The following GSE1 variants were observed in gnomAD, a reference collection of about 807,000 sequenced individuals.
GSE1 encodes the protein Gse1 coiled-coil protein.
Under a neutral mutation model 112.6 loss-of-function variants are expected in GSE1, and 32 were observed. The ratio of observed to expected loss-of-function variants is 0.28; its 90% CI spans 0.21 to 0.38. GSE1 has a LOEUF of 0.38. Among genes scored for constraint, GSE1 ranks in the 10% least tolerant of loss-of-function variants. The pLI is 1.00. For missense variants in GSE1, 2,348 were observed against 1,699.2 expected, an observed-to-expected ratio of 1.38 and a Z score of -6.71; for synonymous variants, 1,115 against 735.6, an observed-to-expected ratio of 1.52 and a Z score of -8.35.
At chr16:85,590,628 C>A (rs930179146) in intron 1 of GSE1, among the ~76,000 whole-genome samples, 1 of 151,728 alleles carries the variant, frequency 6.6e-6, no homozygotes, top group Non-Finnish European at 1.5e-5. Context: ...TGTGTGAATG[C>A]GTGGGCCTGT....
At chr16:85,672,152 C>A (rs779998959) in intron 15 of GSE1, 9 of 473,946 alleles carry the variant, frequency 1.9e-5, no homozygotes, top group South Asian at 1.3e-4. Context: ...GTATACGACA[C>A]CATGCCTGGC....
At chr16:85,520,472 C>T (rs1049625204) in intron 2 of GSE1, among the ~76,000 whole-genome samples, 3 of 151,496 alleles carry the variant, frequency 2.0e-5, no homozygotes, top group Non-Finnish European at 4.4e-5. Context: ...ACTCTTGTCA[C>T]CCAGGCTGGT....
At chr16:85,520,257 C>T (rs75479452) in intron 2 of GSE1, among the ~76,000 whole-genome samples, 4,575 of 152,046 alleles carry the variant, frequency 0.03, 108 homozygotes, top group South Asian at 0.1. Context: ...TCGTGAGGGC[C>T]GCGCTCTCAT....
intron 1 of GSE1, among the ~76,000 whole-genome samples, chr16:85,569,190 AC>A (rs1259713980): frequency 6.6e-6 from 1 of 152,042 alleles, no homozygotes; most frequent in South Asian, 2.1e-4. Flanking sequence ...CCTGTCCTCC[AC>A]ACCTTTGGCC....
intron 1 of GSE1, among the ~76,000 whole-genome samples, chr16:85,313,918 C>CTG (rs10676246): frequency 0.42 from 62,814 of 149,060 alleles, 13,513 homozygotes; most frequent in Admixed American, 0.53. Flanking sequence ...GTCTGAGCCT[C>CTG]TGTGTGTGTG....
chr16:85,171,801 G>A (rs1597709191), exon 1 of GSE1: 2 of 985,426 alleles, frequency 2.0e-6, no homozygotes, highest in Non-Finnish European at 2.4e-6. Context: ...TGGCAGCAGC[G>A]ACGAAGGTAA....
At chr16:85,394,159 C>T (rs1416020915) in intron 2 of GSE1, among the ~76,000 whole-genome samples, 5 of 150,352 alleles carry the variant, frequency 3.3e-5, no homozygotes, top group Non-Finnish European at 4.4e-5. Flanking sequence ...TGACTGCTGA[C>T]GAAAAACACA....
chr16:85,603,533 C>G (rs937179202), intron 1 of GSE1, among the ~76,000 whole-genome samples: 5 of 152,196 alleles, frequency 3.3e-5, no homozygotes, highest in African/African-American at 7.2e-5. Context: ...CAGGGTCTCA[C>G]TGTGTCGCCC....
At chr16:85,620,073 A>C (rs1443021555) in intron 1 of GSE1, among the ~76,000 whole-genome samples, 1 of 152,116 alleles carries the variant, frequency 6.6e-6, no homozygotes, top group African/African-American at 2.4e-5. Context: ...AGGCAGGTGG[A>C]TTGCTTGAGC....
At chr16:85,474,402 T>C (rs1348151476) in intron 2 of GSE1, among the ~76,000 whole-genome samples, 1 of 152,074 alleles carries the variant, frequency 6.6e-6, no homozygotes, top group Non-Finnish European at 1.5e-5. Context: ...GGAGAACAGC[T>C]GGAGGTGCAC....
chr16:85,662,967 C>T lies in GSE1; in HGVS notation c.2261-14C>T. On this transcript the variant is annotated splice_polypyrimidine_tract_variant and intron_variant, in intron 9 of 15. Coordinates refer to ENST00000253458, the MANE Select transcript of GSE1 (RefSeq NM_014615.5). Reference sequence around the variant, plus strand: ...GGCTCTTTGTCTGGCTGAATACAACCATTTCTCCATCAGGGTACTACTACG... The same window carrying T: ...GGCTCTTTGTCTGGCTGAATACAACTATTTCTCCATCAGGGTACTACTACG... The T allele has an allele frequency of 6.5e-7, 1 of 1,531,688 alleles. No individual in the cohort carries two copies. The allele number at this position is 1,531,688 out of a possible 1,614,324, so 94.9% of individuals were successfully genotyped here.
intron 1 of GSE1, among the ~76,000 whole-genome samples, chr16:85,619,101 C>T (rs142344693): frequency 6.6e-6 from 1 of 152,188 alleles, no homozygotes; most frequent in Non-Finnish European, 1.5e-5. Context: ...CACAGCAGAC[C>T]CTGCCGGCCC....
At chr16:85,604,361 T>C (rs1406151304) in intron 1 of GSE1, among the ~76,000 whole-genome samples, 1 of 152,202 alleles carries the variant, frequency 6.6e-6, no homozygotes, top group African/African-American at 2.4e-5. Flanking sequence ...GGCTGAGTAA[T>C]AGTCCACTCA....
At chr16:85,383,305 T>A (rs555643198) in intron 2 of GSE1, among the ~76,000 whole-genome samples, 1 of 150,280 alleles carries the variant, frequency 6.7e-6, no homozygotes, top group Non-Finnish European at 1.5e-5. Context: ...TGCACAAACA[T>A]GTACATACAC....
chr16:85,266,546 T>C (rs562977097), intron 1 of GSE1, among the ~76,000 whole-genome samples: 2 of 152,220 alleles, frequency 1.3e-5, no homozygotes, highest in South Asian at 4.2e-4. Flanking sequence ...AGGCTGAGGC[T>C]GATGGGTCTC....
chr16:85,421,572 C>T (rs1306469791), intron 2 of GSE1, among the ~76,000 whole-genome samples: 2 of 152,204 alleles, frequency 1.3e-5, no homozygotes, highest in Non-Finnish European at 2.9e-5. Flanking sequence ...ATTTTCTGAC[C>T]AGGCGGGGAG....
At chr16:85,505,609 G>A (rs536839040) in intron 2 of GSE1, among the ~76,000 whole-genome samples, 1 of 152,194 alleles carries the variant, frequency 6.6e-6, no homozygotes, top group Non-Finnish European at 1.5e-5. Context: ...ACAGGGTGAA[G>A]TTGGGAGTGC....
At chr16:85,668,631 A>G (rs2053080612) in intron 14 of GSE1, among the ~76,000 whole-genome samples, 1 of 152,150 alleles carries the variant, frequency 6.6e-6, no homozygotes, top group Admixed American at 6.5e-5. Context: ...TTGCTAGGGC[A>G]TCCAAGTACC....
intron 2 of GSE1, among the ~76,000 whole-genome samples, chr16:85,539,418 A>T (rs543972095): frequency 6.6e-6 from 1 of 152,374 alleles, no homozygotes; most frequent in African/African-American, 2.4e-5. Context: ...TTTAGCAGGG[A>T]CAAAAGCTGC....
Sources: allele counts gnomAD v4.1 joint callset (sites outside exome capture counted in the v4.1 genomes callset), GRCh38; gene constraint gnomAD v4.1.1; transcripts MANE v1.5; gene names NCBI Gene and HGNC (gene_info 2026-07-23, HGNC 2026-07-21).